ZNF804B: variants seen among roughly 807,000 people sequenced by gnomAD.
ZNF804B encodes zinc finger protein 804B, also known as zinc finger 804B.
A neutral mutation model predicts 101.4 loss-of-function variants in ZNF804B; 80 were observed. The ratio of observed to expected loss-of-function variants is 0.79; its 90% CI spans 0.66 to 0.95. The LOEUF is 0.95. Ranked by LOEUF, ZNF804B falls within the 40% of genes least tolerant of loss-of-function variation. The pLI is 0.00. For missense variants in ZNF804B, 1,673 were observed against 1,561.9 expected, an observed-to-expected ratio of 1.07 and a Z score of -1.20; for synonymous variants, 622 against 558.8, an observed-to-expected ratio of 1.11 and a Z score of -1.59.
rs969170409 is a variant in ZNF804B at position 88,795,018 on chromosome 7, T to G, written c.108+34934T>G. On this transcript the variant is annotated intron_variant, in intron 1 of 3. Coordinates refer to ENST00000333190, the MANE Select transcript of ZNF804B (RefSeq NM_181646.5). ...ATATTTATGCTGCCAGGGTACCTCT[T>G]TACTGATGAACTCGTGTTTTTATTT... is the stretch of plus-strand genomic sequence containing the variant. 8 of 1,256,720 alleles carry G rather than the reference T, an allele frequency of 6.4e-6. No individual in the cohort carries two copies. The African/African-American group carries it at 1.2e-4, about 19-fold the overall frequency. 77.8% of individuals were successfully genotyped at this position (1,256,720 alleles called of 1,614,324 possible). A position where few individuals can be genotyped will look rare whatever the true frequency, so the allele number is the denominator to read the frequency against.
chr7:88,882,316 C>A (rs1430358714), intron 1 of ZNF804B, among the ~76,000 whole-genome samples: 1 of 152,050 alleles, frequency 6.6e-6, no homozygotes, highest in East Asian at 1.9e-4. Flanking sequence ...ATTAAAACCA[C>A]AATGAAATAC....
rs114801928 is a variant in ZNF804B at position 89,039,798 on chromosome 7, G to A, written c.109-178357G>A. 6.1e-3 allele frequency among the ~76,000 whole-genome samples: 929 copies of A among 151,808 alleles called. 6 individuals are homozygous for A. The highest frequency in any genetic ancestry group is 0.021 in the African/African-American group (884 of 41,432). The stretch of plus-strand genomic sequence containing the variant: ...TTTATTGTAACACACTGAATTTATC[G>A]TCTCATACTCTCCTGGAGTGCATGG... On this transcript the variant is annotated intron_variant, in intron 1 of 3. Transcript: ENST00000333190.
At chr7:88,781,167 A>T (rs902116864) in intron 1 of ZNF804B, among the ~76,000 whole-genome samples, 6 of 152,216 alleles carry the variant, frequency 3.9e-5, no homozygotes, top group Non-Finnish European at 7.3e-5. Context: ...TAATTGAAAG[A>T]GTGGAGTAAT....
At chr7:88,817,721 G>A (rs1790907057) in intron 1 of ZNF804B, among the ~76,000 whole-genome samples, 1 of 152,100 alleles carries the variant, frequency 6.6e-6, no homozygotes, top group African/African-American at 2.4e-5. Flanking sequence ...GGTACATTTT[G>A]TATCAACATC....
chr7:89,334,393 A>G lies in ZNF804B; in HGVS notation c.1411A>G (p.Ile471Val), dbSNP rs1791038918. Residue 471 changes from isoleucine to valine, a missense_variant, in exon 4 of 4, where the codon ATC (isoleucine) becomes GTC (valine). Physicochemically the swap from Ile to Val is conservative, Grantham distance 29 (BLOSUM62 3). Coordinates refer to ENST00000333190, the MANE Select transcript of ZNF804B (RefSeq NM_181646.5). The part of the protein sequence containing the change: ...LLLFTKTEPC[I>V]SYGCNPLYFD... The stretch of plus-strand genomic sequence containing the variant: ...GCTCTTTACAAAAACAGAACCCTGT[A>G]TCTCTTATGGCTGCAACCCACTGTA... 1.2e-6 allele frequency: 2 copies of G among 1,613,700 alleles called. No individual in the cohort carries two copies. The highest frequency in any genetic ancestry group is 1.3e-5 in the African/African-American group (1 of 74,886).
At chr7:88,946,673 A>G (rs1793135320) in intron 1 of ZNF804B, among the ~76,000 whole-genome samples, 1 of 151,640 alleles carries the variant, frequency 6.6e-6, no homozygotes, top group South Asian at 2.1e-4. Context: ...TTTCAGAAGG[A>G]ATGGTACCAT....
intron 1 of ZNF804B, among the ~76,000 whole-genome samples, chr7:88,975,984 A>G (rs528270161): frequency 3.3e-5 from 5 of 151,748 alleles, no homozygotes; most frequent in African/African-American, 1.2e-4. Context: ...ATTCTTCTGC[A>G]TATGCATATC....
chr7:88,971,192 A>G (rs774400806), intron 1 of ZNF804B, among the ~76,000 whole-genome samples: 7 of 151,530 alleles, frequency 4.6e-5, no homozygotes, highest in Non-Finnish European at 1.0e-4. Context: ...ATGCTGCACT[A>G]GAGTGTTCAC....
At chr7:88,940,211 A>G (rs1038129400) in intron 1 of ZNF804B, among the ~76,000 whole-genome samples, 1 of 152,066 alleles carries the variant, frequency 6.6e-6, no homozygotes, top group African/African-American at 2.4e-5. Context: ...ACACTGAGAA[A>G]CATACTTCCA....
intron 1 of ZNF804B, among the ~76,000 whole-genome samples, chr7:88,814,907 G>T (rs1244449393): frequency 6.6e-6 from 1 of 151,626 alleles, no homozygotes; most frequent in African/African-American, 2.4e-5. Context: ...ACTGAAGACA[G>T]ATAAGAAAAA....
chr7:89,202,857 G>A (rs900892776), intron 1 of ZNF804B, among the ~76,000 whole-genome samples: 44 of 152,090 alleles, frequency 2.9e-4, no homozygotes, highest in Non-Finnish European at 5.3e-4. Flanking sequence ...TTACCTACCT[G>A]TGTGATTATT....
intron 1 of ZNF804B, among the ~76,000 whole-genome samples, chr7:89,037,821 C>T (rs1788952116): frequency 6.6e-6 from 1 of 152,118 alleles, no homozygotes; most frequent in Non-Finnish European, 1.5e-5. Flanking sequence ...TATGCCCCAG[C>T]CCCTGGCATC....
In ZNF804B at chr7:89,010,914, A is replaced by G. The variant is rs554341895; in HGVS notation, c.109-207241A>G. ...GGAAAAGTCCACAATGTTCTGTTGT[A>G]AAGAGTTAATTTATTATTGGGCAAA... On this transcript the variant is annotated intron_variant, in intron 1 of 3. Transcript: ENST00000333190. Among the ~76,000 whole-genome samples, 19 of 152,338 alleles carry G rather than the reference A, an allele frequency of 1.2e-4. No individual in the cohort carries two copies. In the South Asian group the frequency reaches 3.7e-3, roughly 30 times the overall value.
At chr7:89,120,096 C>T (rs1790377281) in intron 1 of ZNF804B, among the ~76,000 whole-genome samples, 1 of 151,938 alleles carries the variant, frequency 6.6e-6, no homozygotes. Flanking sequence ...GTCAGGGGCA[C>T]CTTTATCACC....
At chr7:88,978,716 A>G (rs1290151714) in intron 1 of ZNF804B, among the ~76,000 whole-genome samples, 2 of 151,532 alleles carry the variant, frequency 1.3e-5, no homozygotes, top group Non-Finnish European at 3.0e-5. Flanking sequence ...TTCAATATTA[A>G]GTAAAGACTT....
At position 89,246,024 on chromosome 7, in the gene ZNF804B, C is replaced by G. The variant is rs111620368; in HGVS notation, c.249+27729C>G. 5.7e-3 allele frequency among the ~76,000 whole-genome samples: 870 copies of G among 152,150 alleles called. 3 individuals are homozygous for G. The highest frequency in any genetic ancestry group is 0.01 in the South Asian group (50 of 4,808). On this transcript the variant is annotated intron_variant, in intron 2 of 3. Coordinates refer to ENST00000333190, the MANE Select transcript of ZNF804B (RefSeq NM_181646.5). ...GCAGACATTTTCCCAGACCTGAGAC[C>G]GAGAGCAGGATGTCATTATAACCTG...
chr7:89,018,949 A>G (rs1274678151), intron 1 of ZNF804B, among the ~76,000 whole-genome samples: 6 of 151,760 alleles, frequency 4.0e-5, no homozygotes, highest in African/African-American at 1.5e-4. Context: ...TTTTTGTTTC[A>G]TTGATCTTTT....
intron 1 of ZNF804B, among the ~76,000 whole-genome samples, chr7:88,976,391 T>G (rs1176083542): frequency 1.3e-5 from 2 of 151,718 alleles, no homozygotes; most frequent in African/African-American, 4.8e-5. Flanking sequence ...AAAGATGGAA[T>G]ATTTTTCCAT....
intron 1 of ZNF804B, among the ~76,000 whole-genome samples, chr7:88,760,526 C>T (rs1789879399): frequency 6.6e-6 from 1 of 152,026 alleles, no homozygotes; most frequent in South Asian, 2.1e-4. Flanking sequence ...AAAGATTTTC[C>T]CTCAAATCAT....
Sources: gnomAD v4.1 joint callset for allele counts (sites outside exome capture counted in the v4.1 genomes callset) on GRCh38, gnomAD v4.1.1 for gene constraint, MANE v1.5 for transcripts, NCBI Gene and HGNC (gene_info 2026-07-23, HGNC 2026-07-21) for gene names.